The following UNC13C variants were observed in gnomAD, a reference collection of about 807,000 sequenced individuals.
The protein encoded by UNC13C is unc-13 homolog C.
In UNC13C, 174 loss-of-function variants were observed where a neutral mutation model predicts 245.4. That is an observed-to-expected ratio of 0.71 (90% CI 0.63 to 0.80). The LOEUF is 0.80. Among genes scored for constraint, UNC13C ranks in the 30% least tolerant of loss-of-function variants. The probability of loss-of-function intolerance (pLI) is 0.00; values close to 1 mark genes in which losing one functional copy is unlikely to be tolerated. For missense variants in UNC13C, 2,829 were observed against 2,602.9 expected (o/e 1.09, Z -1.89); for synonymous variants, 992 against 895.1 (o/e 1.11, Z -1.93).
At chr15:54,051,850 C>G (rs1299624519) in intron 2 of UNC13C, among the ~76,000 whole-genome samples, 1 of 145,394 alleles carries the variant, frequency 6.9e-6, no homozygotes, top group Admixed American at 6.9e-5. Context: ...CATGCTGGTG[C>G]GCTGCACCCA....
At chr15:54,186,087 A>G (rs1236122188) in intron 4 of UNC13C, among the ~76,000 whole-genome samples, 2 of 151,760 alleles carry the variant, frequency 1.3e-5, no homozygotes, top group Non-Finnish European at 2.9e-5. Flanking sequence ...TTATTGGTGT[A>G]TAAGAATGCT....
intron 29 of UNC13C, among the ~76,000 whole-genome samples, chr15:54,564,873 T>A (rs1897442493): frequency 6.6e-6 from 1 of 152,012 alleles, no homozygotes. Context: ...AGTTTAGTGA[T>A]GGGTATAGAA....
rs1269459905 is a variant in UNC13C at position 53,983,470 on chromosome 15, A to G, written c.-257+4543A>G. Among the ~76,000 whole-genome samples the G allele has an allele frequency of 2.0e-5, 3 of 152,090 alleles. No homozygotes were observed. The East Asian group carries it at 5.8e-4, about 29-fold the overall frequency. ...TGGTAGGAGGCAAAATATATGGATA[A>G]CTTCATATATGTAAAAATTAATACT... On this transcript the variant is annotated intron_variant, in intron 1 of 32. Transcript: ENST00000260323.
At chr15:54,087,118 G>A (rs1899288436) in intron 2 of UNC13C, among the ~76,000 whole-genome samples, 1 of 152,002 alleles carries the variant, frequency 6.6e-6, no homozygotes. Context: ...GAACATACAT[G>A]ATTTAGATGT....
At chr15:54,507,528 A>G (rs1894527605) in intron 23 of UNC13C, among the ~76,000 whole-genome samples, 1 of 152,064 alleles carries the variant, frequency 6.6e-6, no homozygotes, top group South Asian at 2.1e-4. Flanking sequence ...ATTGGCACCA[A>G]CTAGTTTCAT....
At chr15:54,127,398 C>A (rs967074672) in intron 2 of UNC13C, among the ~76,000 whole-genome samples, 1 of 151,944 alleles carries the variant, frequency 6.6e-6, no homozygotes, top group African/African-American at 2.4e-5. Flanking sequence ...AGTTCATGAC[C>A]TTTGCAGGGA....
At chr15:54,225,831 T>A (rs574062544) in intron 4 of UNC13C, among the ~76,000 whole-genome samples, 169 of 152,290 alleles carry the variant, frequency 1.1e-3, no homozygotes, top group African/African-American at 4.0e-3. Context: ...TGGCCAGAAC[T>A]TCCAATACTA....
At chr15:53,960,159 G>A in the UNC13C span, among the ~76,000 whole-genome samples, 61 of 152,218 alleles carry the variant, frequency 4.0e-4, no homozygotes, top group Middle Eastern at 3.4e-3. Context: ...TGACTGGAAT[G>A]AGATCTGGGT....
chr15:54,072,056 C>T (rs972783527), intron 2 of UNC13C, among the ~76,000 whole-genome samples: 4 of 152,156 alleles, frequency 2.6e-5, no homozygotes, highest in Admixed American at 2.6e-4. Flanking sequence ...TTCTCTGTTG[C>T]AGAATTTGAT....
the UNC13C span, among the ~76,000 whole-genome samples, chr15:53,839,722 T>C: frequency 6.6e-6 from 1 of 152,132 alleles, no homozygotes; most frequent in Non-Finnish European, 1.5e-5. Context: ...TTCCATTTTT[T>C]TTCCCCCTTC....
intron 26 of UNC13C, among the ~76,000 whole-genome samples, chr15:54,533,548 G>A (rs1450345005): frequency 6.6e-6 from 1 of 152,174 alleles, no homozygotes; most frequent in African/African-American, 2.4e-5. Context: ...TTTATTGAGT[G>A]CTCACCTGTA....
chr15:53,902,819 T>C, the UNC13C span, among the ~76,000 whole-genome samples: 2 of 152,082 alleles, frequency 1.3e-5, no homozygotes, highest in African/African-American at 4.8e-5. Context: ...ATATCAACAA[T>C]AGCAAAAAGG....
At chr15:54,601,356 GC>G (rs35193172) in intron 30 of UNC13C, among the ~76,000 whole-genome samples, 1 of 152,122 alleles carries the variant, frequency 6.6e-6, no homozygotes, top group South Asian at 2.1e-4. Context: ...TAAAACCTAA[GC>G]CAGACCTACA....
Position 54,236,454 on chromosome 15 carries a change from A to G in UNC13C, c.3156+19A>G. 1 of 1,587,476 alleles carries G rather than the reference A, an allele frequency of 6.3e-7. No individual in the cohort carries two copies. Among genetic ancestry groups the G allele is most frequent in the Non-Finnish European group, 8.5e-7 (1 of 1,171,878 alleles). Reference sequence around the variant, plus strand: ...GGCCATGGTAAGTGCTTTGCTATTTATTTAATTAATATTTTGCAGTCTTCT... The same window carrying G: ...GGCCATGGTAAGTGCTTTGCTATTTGTTTAATTAATATTTTGCAGTCTTCT... On this transcript the variant is annotated intron_variant, in intron 6 of 32. Transcript: ENST00000260323.
intron 30 of UNC13C, among the ~76,000 whole-genome samples, chr15:54,599,467 A>G (rs1899283539): frequency 6.6e-6 from 1 of 151,966 alleles, no homozygotes; most frequent in Non-Finnish European, 1.5e-5. Context: ...TCATTGTTAC[A>G]TTTTTATGCT....
At chr15:54,572,877 G>T (rs1282791026) in intron 30 of UNC13C, among the ~76,000 whole-genome samples, 4 of 152,030 alleles carry the variant, frequency 2.6e-5, no homozygotes, top group Non-Finnish European at 5.9e-5. Flanking sequence ...AAAAGCATTT[G>T]TGTTTTACTT....
At chr15:54,170,544 A>G (rs905386054) in intron 4 of UNC13C, among the ~76,000 whole-genome samples, 1 of 151,972 alleles carries the variant, frequency 6.6e-6, no homozygotes, top group Non-Finnish European at 1.5e-5. Flanking sequence ...TAAAAACATT[A>G]GTAAGTGTTT....
At chr15:53,898,332 A>G in the UNC13C span, among the ~76,000 whole-genome samples, 1 of 152,182 alleles carries the variant, frequency 6.6e-6, no homozygotes, top group Non-Finnish European at 1.5e-5. Flanking sequence ...TGATCAGGGT[A>G]AGATGGTAAG....
chr15:53,839,619 G>A, the UNC13C span, among the ~76,000 whole-genome samples: 1 of 151,914 alleles, frequency 6.6e-6, no homozygotes, highest in African/African-American at 2.4e-5. Flanking sequence ...TACTGTGACA[G>A]TCTCTGTTTT....
Sources: allele counts gnomAD v4.1 joint callset (sites outside exome capture counted in the v4.1 genomes callset), GRCh38; gene constraint gnomAD v4.1.1; transcripts MANE v1.5; gene names NCBI Gene and HGNC (gene_info 2026-07-23, HGNC 2026-07-21).